NKAIN4: variants seen among roughly 807,000 people sequenced by gnomAD.
NKAIN4 encodes the protein sodium/potassium-transporting ATPase subunit beta-1-interacting protein 4.
NKAIN4 carries 28 observed loss-of-function variants against 28.8 expected under a neutral mutation model. The observed-to-expected ratio is 0.97, with a 90% CI of 0.72 to 1.33. NKAIN4 has a LOEUF of 1.33. Among genes scored for constraint, NKAIN4 ranks in the 40% most tolerant of loss-of-function variants. The probability of loss-of-function intolerance (pLI) is 0.00; values close to 1 mark genes in which losing one functional copy is unlikely to be tolerated. For missense variants in NKAIN4, 289 were observed against 277.2 expected, an observed-to-expected ratio of 1.04 and a Z score of -0.30; for synonymous variants, 122 against 115.6, an observed-to-expected ratio of 1.06 and a Z score of -0.36.
chr20:63,251,423 G>A (rs7267408), intron 1 of NKAIN4, among the ~76,000 whole-genome samples: 7,049 of 152,098 alleles, frequency 0.046, 333 homozygotes, highest in African/African-American at 0.12. Flanking sequence ...AAACTCCCCC[G>A]GGGAAAGGGA....
chr20:63,250,138 C>G, intron 1 of NKAIN4, 66 bp from the exon 2 acceptor site: 2 of 1,499,362 alleles, frequency 1.3e-6, no homozygotes, highest in Non-Finnish European at 1.8e-6. Context: ...CAGCCAGGTA[C>G]TGGGCCAAGG....
intron 1 of NKAIN4, among the ~76,000 whole-genome samples, chr20:63,251,741 T>C (rs1237911361): frequency 6.6e-6 from 1 of 152,242 alleles, no homozygotes; most frequent in Non-Finnish European, 1.5e-5. Context: ...TGAATGATAT[T>C]CATATATAAT....
At chr20:63,243,792 T>C (rs1334506540) in intron 5 of NKAIN4, 3 of 470,166 alleles carry the variant, frequency 6.4e-6, no homozygotes, top group Non-Finnish European at 1.2e-5. Flanking sequence ...CAGGAGTCCT[T>C]GGACCGGGGG....
At chr20:63,248,970 G>T in intron 2 of NKAIN4, 75 bp from the exon 3 acceptor site, 3 of 1,009,638 alleles carry the variant, frequency 3.0e-6, no homozygotes, top group South Asian at 1.3e-5. Flanking sequence ...GCCCCCGGGG[G>T]AAGGGGTCCC....
At chr20:63,246,523 C>T (rs34406003) in intron 4 of NKAIN4, 343,627 of 984,996 alleles carry the variant, frequency 0.35, 61,869 homozygotes, top group East Asian at 0.52. Flanking sequence ...CGAGGCCACC[C>T]GCACCGTCAC....
chr20:63,242,659 ACAC>A lies in NKAIN4; in HGVS notation c.533-39_533-37del. 6.6e-6 allele frequency: 10 copies of A among 1,509,168 alleles called. 1 individual carries two copies. In the Middle Eastern group the frequency reaches 1.7e-3, roughly 257 times the overall value. The allele number at this position is 1,509,168 out of a possible 1,614,324, so 93.5% of individuals were successfully genotyped here. ...TCAAGACCCAAATAAAACAAAACCT[ACAC>A]AATGGAAAAGATGTCAGAGTGGAAA... On this transcript the variant is annotated intron_variant, in intron 5 of 6. Transcript: ENST00000370316.
At chr20:63,254,298 C>G in intron 1 of NKAIN4, 99 bp downstream of exon 1, 1 of 998,318 alleles carries the variant, frequency 1.0e-6, no homozygotes, top group Non-Finnish European at 1.4e-6. Flanking sequence ...CGGGACCCAG[C>G]GAACGGGCCC....
Position 63,247,650 on chromosome 20 carries a change from C to T in NKAIN4, c.399G>A (p.Val133=). ...GLGAPHGQAL[V]SGAGCALEPS... ...GCTCCAGGGCACAGCCAGCACCTGA[C>T]ACCAGGGCCTGGCCATGGGGGGCCC... The change falls in exon 4 of 7, where the codon GTG becomes GTA. Residue 133 remains valine (V), a synonymous_variant. Transcript: ENST00000370316. The T allele has an allele frequency of 5.8e-6, 9 of 1,547,642 alleles. No individual in the cohort carries two copies. Among genetic ancestry groups the T allele is most frequent in the Non-Finnish European group, 7.9e-6 (9 of 1,145,430 alleles).
At chr20:63,244,106 G>A in intron 4 of NKAIN4, 22 bp from the exon 5 acceptor site, 2 of 1,609,000 alleles carry the variant, frequency 1.2e-6, no homozygotes, top group East Asian at 2.2e-5. Flanking sequence ...CACAGGCAGG[G>A]GCGTGAGTGC....
chr20:63,254,420 C>T lies in NKAIN4; in HGVS notation c.31G>A (p.Val11Ile). The T allele has an allele frequency of 6.9e-7, 1 of 1,443,470 alleles. No homozygotes were observed. Among genetic ancestry groups the T allele is most frequent in the Non-Finnish European group, 9.1e-7 (1 of 1,098,820 alleles). The allele number at this position is 1,443,470 out of a possible 1,614,324, so 89.4% of individuals were successfully genotyped here. Residue 11 changes from valine to isoleucine, a missense_variant, in exon 1 of 7, where the codon GTC becomes ATC. Coordinates refer to ENST00000370316, the MANE Select transcript of NKAIN4 (RefSeq NM_152864.4). ...ACCAGCTGAAAAGCGCAGAGGACGACGAGCGCGCAGCGGCCGGAGCAGGAG... is the reference window on the plus strand; with the variant it reads ...ACCAGCTGAAAAGCGCAGAGGACGATGAGCGCGCAGCGGCCGGAGCAGGAG... Reference protein sequence around the residue: MGSCSGRCALVVLCAFQLVAA... With the variant: MGSCSGRCALIVLCAFQLVAA...
Position 63,252,191 on chromosome 20 carries a change from C to T in NKAIN4, c.55-2119G>A, listed in dbSNP as rs1190274031. Among the ~76,000 whole-genome samples, 1 of 152,188 alleles carries T rather than the reference C, an allele frequency of 6.6e-6. No homozygotes were observed. The highest frequency in any genetic ancestry group is 2.4e-5 in the African/African-American group (1 of 41,450). On this transcript the variant is annotated intron_variant, in intron 1 of 6. Coordinates refer to ENST00000370316, the MANE Select transcript of NKAIN4 (RefSeq NM_152864.4). The surrounding 1 kb of genome is among the most constrained non-coding windows in gnomAD (Gnocchi z 4.6). The stretch of plus-strand genomic sequence containing the variant: ...CTCCCAGAGGCTCAGGGCTCCATGA[C>T]ATGTGGCGACATGCATGAGCAGGGA...
intron 4 of NKAIN4, among the ~76,000 whole-genome samples, chr20:63,244,895 G>A (rs998706716): frequency 2.6e-5 from 4 of 152,214 alleles, no homozygotes; most frequent in African/African-American, 4.8e-5. Flanking sequence ...ACCCCGGAAC[G>A]AGGCAGGAAA....
intron 1 of NKAIN4, 135 bp downstream of exon 1, chr20:63,254,262 C>T (rs1215640629): frequency 3.1e-5 from 21 of 684,496 alleles, no homozygotes; most frequent in Admixed American, 4.4e-5. Context: ...GCCCGGGGTC[C>T]GAGGCATCCC....
chr20:63,242,652 A>C (rs749758646), intron 5 of NKAIN4, 29 bp from the exon 6 acceptor site: 2 of 1,539,258 alleles, frequency 1.3e-6, no homozygotes, highest in East Asian at 4.5e-5. Flanking sequence ...CAAATAAAAC[A>C]AAACCTACAC....
chr20:63,249,094 C>T (rs779363311), intron 2 of NKAIN4, 199 bp from the exon 3 acceptor site: 92 of 563,174 alleles, frequency 1.6e-4, no homozygotes, highest in Admixed American at 1.2e-3. Context: ...AGCTTTCCCA[C>T]GTGGGTGCCC....
upstream of NKAIN4, chr20:63,254,812 G>A (rs563697473): frequency 2.7e-4 from 55 of 201,838 alleles, no homozygotes; most frequent in East Asian, 5.8e-3. Context: ...CCTCCTGCAG[G>A]ATGACCTGCC....
At chr20:63,247,898 G>A (rs1437718909) in intron 3 of NKAIN4, 123 bp from the exon 4 acceptor site, 39 of 1,287,148 alleles carry the variant, frequency 3.0e-5, no homozygotes, top group African/African-American at 4.6e-5. Flanking sequence ...CACCTCCCCT[G>A]TCCTCCCACT....
chr20:63,245,641 C>T lies in NKAIN4; in HGVS notation c.472-1557G>A, dbSNP rs1399318599. Among the ~76,000 whole-genome samples, 1 of 152,186 alleles carries T rather than the reference C, an allele frequency of 6.6e-6. No individual in the cohort carries two copies. The highest frequency in any genetic ancestry group is 1.5e-5 in the Non-Finnish European group (1 of 68,030). ...GAGCCTGGCCTTGTCAGACGACTCTCTTGCCACCACCATTTCCATCCCCAG... is the reference window on the plus strand; with the variant it reads ...GAGCCTGGCCTTGTCAGACGACTCTTTTGCCACCACCATTTCCATCCCCAG... On this transcript the variant is annotated intron_variant, in intron 4 of 6. Coordinates refer to ENST00000370316, the MANE Select transcript of NKAIN4 (RefSeq NM_152864.4). This position sits in a 1 kb window ranked among gnomAD's most constrained non-coding sequence, Gnocchi z 4.7.
chr20:63,254,637 G>GC, upstream of NKAIN4: 1 of 387,712 alleles, frequency 2.6e-6, no homozygotes, highest in East Asian at 4.2e-5. Context: ...TCCCACCCCC[G>GC]CCTGCGGCCC....
Sources: gnomAD v4.1 joint callset for allele counts (sites outside exome capture counted in the v4.1 genomes callset) on GRCh38, gnomAD v4.1.1 for gene constraint, Gnocchi (gnomAD v3.1) non-coding constraint, MANE v1.5 for transcripts, NCBI Gene and HGNC (gene_info 2026-07-23, HGNC 2026-07-21) for gene names.